Variants in TBL1X observed in about 807,000 individuals in gnomAD.
The protein encoded by TBL1X is transducin beta like 1 X-linked, also known as F-box-like/WD repeat-containing protein TBL1X.
A neutral mutation model predicts 50.7 loss-of-function variants in TBL1X; 10 were observed. That is an observed-to-expected ratio of 0.20 (90% CI 0.12 to 0.33). The LOEUF (loss-of-function observed/expected upper bound fraction) is 0.33. Among genes scored for constraint, TBL1X ranks in the 10% least tolerant of loss-of-function variants. The pLI is 1.00. For synonymous variants in TBL1X, 190 were observed against 214.7 expected (o/e 0.88, Z 1.01); for missense variants, 340 against 504.4 (o/e 0.67, Z 3.12).
intron 2 of TBL1X, chrX:9,637,370 A>G (rs1482687278): frequency 8.9e-6 from 1 of 112,418 alleles, no homozygotes; most frequent in Non-Finnish European, 1.9e-5. Context: ...TAAGGCAGAC[A>G]TGATGAAGAA....
rs1569099067 is a variant in TBL1X, at chrX:9,688,179, G to A, written c.520G>A (p.Ala174Thr). The A allele has an allele frequency of 8.3e-7, 1 of 1,198,345 alleles. No homozygotes were observed. The highest frequency in any genetic ancestry group is 3.0e-5 in the East Asian group (1 of 33,073). Residue 174 changes from alanine (A) to threonine (T), a missense_variant, in exon 7 of 18, where the codon GCA becomes ACA. Around this residue, in one of 6 missense-constraint regions of TBL1X, gnomAD observed 99 missense variants for 93.3 expected, o/e 1.06. Coordinates refer to ENST00000645353, the MANE Select transcript of TBL1X (RefSeq NM_005647.4). ...GGCTGCGGCCACGGCAGCAGCGACAGCAGCCACCACGACCTCAGCCGGCGT... is the reference window on the plus strand; with the variant it reads ...GGCTGCGGCCACGGCAGCAGCGACAACAGCCACCACGACCTCAGCCGGCGT... ...AAAAATAAAT[A>T]ATTTSAGVSH...
At chrX:9,581,127 G>C (rs757665463) in intron 2 of TBL1X, among the ~76,000 whole-genome samples, 6 of 111,976 alleles carry the variant, frequency 5.4e-5, no homozygotes, top group African/African-American at 1.6e-4. Flanking sequence ...GTAGAGAAAT[G>C]GTTGCAGCAT....
intron 2 of TBL1X, among the ~76,000 whole-genome samples, chrX:9,598,236 A>G (rs762641694): frequency 1.4e-4 from 16 of 111,792 alleles, no homozygotes; most frequent in Non-Finnish European, 2.4e-4. Flanking sequence ...TGTGAAGCCA[A>G]TCAGCTTGTG....
chrX:9,515,595 G>A (rs755963676), intron 2 of TBL1X, among the ~76,000 whole-genome samples: 1 of 112,115 alleles, frequency 8.9e-6, no homozygotes, highest in South Asian at 3.7e-4. Context: ...AATTTCCTTT[G>A]GTCTGGGGAT....
chrX:9,707,534 G>A lies in TBL1X; in HGVS notation c.1237-1714G>A, dbSNP rs762315266. ...TCAGTGGGGTTGAGTGGAGACCCATGAGCCGGCTCTGGAGGCGGCCCAGGA... is the reference window on the plus strand; with the variant it reads ...TCAGTGGGGTTGAGTGGAGACCCATAAGCCGGCTCTGGAGGCGGCCCAGGA... On this transcript the variant is annotated intron_variant, in intron 13 of 17. Transcript: ENST00000645353. Among the ~76,000 whole-genome samples, 4 of 112,319 alleles carry A rather than the reference G, an allele frequency of 3.6e-5. No individual in the cohort carries two copies. In the South Asian group the frequency reaches 1.1e-3, roughly 31 times the overall value.
chrX:9,575,536 T>C (rs2082406939), intron 2 of TBL1X, among the ~76,000 whole-genome samples: 1 of 112,202 alleles, frequency 8.9e-6, no homozygotes, highest in Non-Finnish European at 1.9e-5. Context: ...GTGTCGGTGC[T>C]TCGTTCCTTT....
intron 11 of TBL1X, among the ~76,000 whole-genome samples, chrX:9,696,555 G>A (rs909768644): frequency 1.8e-5 from 2 of 112,719 alleles, no homozygotes; most frequent in Non-Finnish European, 3.7e-5. Context: ...TGCTTTCCAA[G>A]GGAGAACTCA....
At chrX:9,650,403 C>A (rs980577999) in intron 3 of TBL1X, among the ~76,000 whole-genome samples, 4 of 111,818 alleles carry the variant, frequency 3.6e-5, no homozygotes, top group Non-Finnish European at 3.8e-5. Context: ...ACAAGAAGGG[C>A]AGCTGGGAAG....
At chrX:9,709,147 C>T in intron 13 of TBL1X, 101 bp from the exon 14 acceptor site, 2 of 850,592 alleles carry the variant, frequency 2.4e-6, no homozygotes, top group Non-Finnish European at 3.4e-6. Context: ...AGCCGAAGAC[C>T]TTCTGCAGCG....
chrX:9,525,266 C>G (rs967979008), intron 2 of TBL1X, among the ~76,000 whole-genome samples: 5 of 111,960 alleles, frequency 4.5e-5, no homozygotes, highest in African/African-American at 6.5e-5. Context: ...TGTTCTCCTT[C>G]CAAATTCCCA....
At chrX:9,536,953 G>A (rs1308690146) in intron 2 of TBL1X, among the ~76,000 whole-genome samples, 5 of 112,023 alleles carry the variant, frequency 4.5e-5, no homozygotes, top group Non-Finnish European at 9.4e-5. Context: ...TTTTGAATGC[G>A]CCAAGAAAGA....
At chrX:9,583,978 T>TA (rs1011266970) in intron 2 of TBL1X, among the ~76,000 whole-genome samples, 6 of 112,320 alleles carry the variant, frequency 5.3e-5, no homozygotes, top group Non-Finnish European at 7.5e-5. Context: ...TGAATAGCTC[T>TA]AAAATGTATG....
chrX:9,675,348 A>G (rs2082987079), intron 5 of TBL1X, among the ~76,000 whole-genome samples: 1 of 112,068 alleles, frequency 8.9e-6, no homozygotes, highest in South Asian at 3.7e-4. Context: ...AAGTAGGGTT[A>G]GTGGCACATT....
intron 2 of TBL1X, among the ~76,000 whole-genome samples, chrX:9,521,923 A>G (rs1181782549): frequency 1.8e-5 from 2 of 111,693 alleles, no homozygotes; most frequent in East Asian, 5.6e-4. Flanking sequence ...ATATCTGGCT[A>G]TGAAGCACCT....
At chrX:9,488,839 CGATT>C (rs925274222) in intron 1 of TBL1X, among the ~76,000 whole-genome samples, 1 of 110,948 alleles carries the variant, frequency 9.0e-6, no homozygotes, top group Non-Finnish European at 1.9e-5. Context: ...CTCACTGAGT[CGATT>C]GATTGGTTGG....
chrX:9,543,911 C>A (rs747454360), intron 2 of TBL1X, among the ~76,000 whole-genome samples: 5 of 111,453 alleles, frequency 4.5e-5, no homozygotes, highest in Admixed American at 9.6e-5. Flanking sequence ...ACAGAACATT[C>A]TCTGCAGATG....
intron 1 of TBL1X, among the ~76,000 whole-genome samples, chrX:9,485,200 A>G (rs760899013): frequency 1.8e-5 from 2 of 112,131 alleles, no homozygotes; most frequent in Non-Finnish European, 3.8e-5. Context: ...CTGCCTTTCT[A>G]ATGGGCTCTC....
chrX:9,466,340 G>A (rs1326757919), intron 1 of TBL1X, among the ~76,000 whole-genome samples: 1 of 112,347 alleles, frequency 8.9e-6, no homozygotes, highest in Non-Finnish European at 1.9e-5. Context: ...GCCCGCCTGC[G>A]CTGGGATAGG....
At chrX:9,491,055 T>TGCA (rs1337145439) in intron 1 of TBL1X, among the ~76,000 whole-genome samples, 1 of 108,997 alleles carries the variant, frequency 9.2e-6, no homozygotes, top group African/African-American at 3.3e-5. Flanking sequence ...CATAGCTCAT[T>TGCA]GCAGCCTTGA....
Sources: gnomAD v4.1 joint callset for allele counts (sites outside exome capture counted in the v4.1 genomes callset) on GRCh38, gnomAD v4.1.1 for gene constraint, gnomAD v4.1.1 regional missense constraint, MANE v1.5 for transcripts, NCBI Gene and HGNC (gene_info 2026-07-23, HGNC 2026-07-21) for gene names.